The following ADAMTS12 variants were observed in gnomAD, a reference collection of about 807,000 sequenced individuals.
ADAMTS12 encodes the protein ADAM metallopeptidase with thrombospondin type 1 motif 12, also known as A disintegrin and metalloproteinase with thrombospondin motifs 12.
ADAMTS12 carries 118 observed loss-of-function variants against 167.8 expected under a neutral mutation model. That is an observed-to-expected ratio of 0.70 (90% confidence interval 0.61 to 0.82). The LOEUF (loss-of-function observed/expected upper bound fraction) is 0.82, where lower values mean the gene tolerates loss of function less well. ADAMTS12 is among the 40% of genes least tolerant of loss of function. The pLI is 0.00. For synonymous variants in ADAMTS12, 704 were observed against 716.9 expected (o/e 0.98, Z 0.29); for missense variants, 1,916 against 1,998.8 (o/e 0.96, Z 0.79).
intron 2 of ADAMTS12, among the ~76,000 whole-genome samples, chr5:33,821,634 CGTT>C (rs1464590581): frequency 1.3e-5 from 2 of 152,146 alleles, no homozygotes; most frequent in Non-Finnish European, 2.9e-5. Context: ...TCTAAGTACT[CGTT>C]GTTAGCTTTA....
intron 23 of ADAMTS12, among the ~76,000 whole-genome samples, chr5:33,528,019 C>T (rs1422046175): frequency 6.6e-6 from 1 of 151,750 alleles, no homozygotes; most frequent in Admixed American, 6.6e-5. Context: ...AACCTAAGGG[C>T]CCGTCAACCA....
chr5:33,824,992 A>G (rs1748007132), intron 2 of ADAMTS12, among the ~76,000 whole-genome samples: 1 of 152,198 alleles, frequency 6.6e-6, no homozygotes, highest in East Asian at 1.9e-4. Flanking sequence ...GAGGGGAGCC[A>G]TCCCACTAGA....
chr5:33,672,071 A>G (rs1741720761), intron 5 of ADAMTS12, among the ~76,000 whole-genome samples: 1 of 86,996 alleles, frequency 1.1e-5, no homozygotes, highest in African/African-American at 3.9e-5. Context: ...ATACATACAA[A>G]CCCACATACA....
At chr5:33,667,800 T>C (rs1328740924) in intron 5 of ADAMTS12, among the ~76,000 whole-genome samples, 1 of 152,188 alleles carries the variant, frequency 6.6e-6, no homozygotes, top group Non-Finnish European at 1.5e-5. Flanking sequence ...GGAGTGGAAC[T>C]TGGTACCAGT....
chr5:33,569,615 C>T (rs900990354), intron 19 of ADAMTS12, among the ~76,000 whole-genome samples: 1 of 152,042 alleles, frequency 6.6e-6, no homozygotes, highest in East Asian at 1.9e-4. Flanking sequence ...TCATCAAAGA[C>T]CAAAAGTAGA....
At chr5:33,780,364 C>G (rs1746081362) in intron 2 of ADAMTS12, among the ~76,000 whole-genome samples, 2 of 151,852 alleles carry the variant, frequency 1.3e-5, no homozygotes, top group African/African-American at 2.4e-5. Context: ...TTTTTTGACA[C>G]TAGAATTCTG....
intron 2 of ADAMTS12, among the ~76,000 whole-genome samples, chr5:33,825,100 A>G (rs1030832483): frequency 1.3e-5 from 2 of 152,218 alleles, no homozygotes; most frequent in African/African-American, 4.8e-5. Context: ...GCTAGCAAGC[A>G]CATCCTAATA....
chr5:33,813,290 G>T (rs540013686), intron 2 of ADAMTS12, among the ~76,000 whole-genome samples: 1 of 152,166 alleles, frequency 6.6e-6, no homozygotes, highest in African/African-American at 2.4e-5. Context: ...GTGTTATCTT[G>T]TAATTCTCTG....
intron 2 of ADAMTS12, among the ~76,000 whole-genome samples, chr5:33,779,184 A>AT (rs58073487): frequency 0.46 from 62,652 of 134,800 alleles, 16,711 homozygotes; most frequent in Non-Finnish European, 0.6. Flanking sequence ...TGAAATTAGT[A>AT]TTTTTTTTTT....
chr5:33,820,228 A>G (rs1747819054), intron 2 of ADAMTS12, among the ~76,000 whole-genome samples: 1 of 152,234 alleles, frequency 6.6e-6, no homozygotes, highest in African/African-American at 2.4e-5. Flanking sequence ...GGGAGCAATC[A>G]AAGTAAAATA....
chr5:33,575,647 T>C (rs1746660302), intron 19 of ADAMTS12, among the ~76,000 whole-genome samples: 1 of 152,184 alleles, frequency 6.6e-6, no homozygotes, highest in African/African-American at 2.4e-5. Context: ...CACTGGTCAG[T>C]TTACCTTTCT....
intron 2 of ADAMTS12, among the ~76,000 whole-genome samples, chr5:33,819,282 T>C (rs926029170): frequency 2.0e-5 from 3 of 152,178 alleles, no homozygotes; most frequent in African/African-American, 7.2e-5. Flanking sequence ...TCAAATTTCA[T>C]TATTTTGTCA....
At chr5:33,682,323 C>T (rs1350419051) in intron 5 of ADAMTS12, among the ~76,000 whole-genome samples, 1 of 152,078 alleles carries the variant, frequency 6.6e-6, no homozygotes, top group Non-Finnish European at 1.5e-5. Flanking sequence ...AATCAAGGTT[C>T]CATTCTGGAT....
chr5:33,644,892 G>A (rs1031609352), intron 9 of ADAMTS12, among the ~76,000 whole-genome samples: 11 of 152,104 alleles, frequency 7.2e-5, no homozygotes, highest in South Asian at 6.2e-4. Context: ...CTCCACGCCC[G>A]GCTAATTTTT....
At position 33,564,778 on chromosome 5, in the gene ADAMTS12, C is replaced by T. The variant is rs1038030885; in HGVS notation, c.3973-3599G>A. ...CTCTCAGACATTCAATGCTAGTTGC[C>T]GCCCCTTCCCCACATTGTTGTAACA... On this transcript the variant is annotated intron_variant, in intron 19 of 23. Coordinates refer to ENST00000504830, the MANE Select transcript of ADAMTS12 (RefSeq NM_030955.4). Among the ~76,000 whole-genome samples, 5 of 152,246 alleles carry T rather than the reference C, an allele frequency of 3.3e-5. No individual in the cohort carries two copies. The East Asian group carries it at 5.8e-4, about 18-fold the overall frequency.
chr5:33,740,798 G>A (rs1744543470), intron 3 of ADAMTS12, among the ~76,000 whole-genome samples: 1 of 152,176 alleles, frequency 6.6e-6, no homozygotes, highest in Admixed American at 6.5e-5. Context: ...GGTGGGGCCA[G>A]GGAACCAAGG....
intron 3 of ADAMTS12, among the ~76,000 whole-genome samples, chr5:33,739,685 C>G (rs1442941130): frequency 6.6e-6 from 1 of 152,210 alleles, no homozygotes; most frequent in African/African-American, 2.4e-5. Flanking sequence ...TAGACACATC[C>G]ACTCAGTCAT....
chr5:33,651,443 T>C (rs1740865606), intron 7 of ADAMTS12, among the ~76,000 whole-genome samples: 1 of 152,190 alleles, frequency 6.6e-6, no homozygotes, highest in Non-Finnish European at 1.5e-5. Context: ...AACAAACAAG[T>C]GTGCAAAAAA....
intron 2 of ADAMTS12, among the ~76,000 whole-genome samples, chr5:33,804,835 C>G (rs2112477955): frequency 6.6e-6 from 1 of 152,132 alleles, no homozygotes; most frequent in Middle Eastern, 3.4e-3. Flanking sequence ...TATTTACCAG[C>G]CTAAGAGTAA....
Sources: allele counts gnomAD v4.1 joint callset (sites outside exome capture counted in the v4.1 genomes callset), GRCh38; gene constraint gnomAD v4.1.1; transcripts MANE v1.5; gene names NCBI Gene and HGNC (gene_info 2026-07-23, HGNC 2026-07-21).